Variants in PROCR observed in about 807,000 individuals in gnomAD.
PROCR encodes the protein endothelial protein C receptor.
PROCR carries 22 observed loss-of-function variants against 24.2 expected under a neutral mutation model. That is an observed-to-expected ratio of 0.91 (90% CI 0.65 to 1.30). The LOEUF is 1.30. Ranked by LOEUF, PROCR falls within the 50% of genes most tolerant of loss-of-function variation. The probability of loss-of-function intolerance (pLI) is 0.00; values close to 1 mark genes in which losing one functional copy is unlikely to be tolerated. For missense variants in PROCR, 288 were observed against 307.7 expected (o/e 0.94, Z 0.48); for synonymous variants, 137 against 139.2 (o/e 0.98, Z 0.11).
In PROCR at chr20:35,176,223, A is replaced by AGCCC. The variant is rs750417121; in HGVS notation, c.379_382dup (p.His128ArgfsTer51). 3.1e-6 allele frequency: 5 copies of AGCCC among 1,613,954 alleles called. No homozygotes were observed. The highest frequency in any genetic ancestry group is 8.5e-7 in the Non-Finnish European group (1 of 1,180,034). On this transcript the variant is annotated frameshift_variant, in exon 3 of 4. Coordinates refer to ENST00000216968, the MANE Select transcript of PROCR (RefSeq NM_006404.5). LOFTEE classifies it high-confidence loss of function. ...GTGAGCTGCCTCCCGAGGGCTCTAGAGCCCATGTCTTCTTCGAAGTGGCTG... is the reference window on the plus strand; with the variant it reads ...GTGAGCTGCCTCCCGAGGGCTCTAGAGCCCGCCCATGTCTTCTTCGAAGTGGCTG...
chr20:35,199,749 A>G lies in PROCR; in HGVS notation c.95-16144A>G, dbSNP rs541633928. The stretch of plus-strand genomic sequence containing the variant: ...GGCAACATAGTGAGACTGTGTCTCA[A>G]AAAAAAAAAAAAAACATTTCATAGG... On this transcript the variant is annotated intron_variant, in intron 1 of 1. Coordinates refer to the PROCR transcript ENST00000634509. Among the ~76,000 whole-genome samples, 3 of 148,514 alleles carry G rather than the reference A, an allele frequency of 2.0e-5. No homozygotes were observed. In the East Asian group the frequency reaches 5.9e-4, roughly 29 times the overall value.
At chr20:35,171,100 C>T (rs1047392721), upstream of PROCR, among the ~76,000 whole-genome samples, 2 of 152,000 alleles carry the variant, frequency 1.3e-5, no homozygotes, top group African/African-American at 4.8e-5. Flanking sequence ...AGACGTTCGC[C>T]ATATTGGCCA....
intron 1 of PROCR, among the ~76,000 whole-genome samples, chr20:35,204,937 C>T (rs1307895528): frequency 6.6e-6 from 1 of 152,036 alleles, no homozygotes; most frequent in East Asian, 1.9e-4. Context: ...TAATACTTCA[C>T]TACTATGTGG....
At chr20:35,189,395 C>T (rs1221161011) in intron 1 of PROCR, among the ~76,000 whole-genome samples, 3 of 152,108 alleles carry the variant, frequency 2.0e-5, no homozygotes, top group South Asian at 2.1e-4. Context: ...TCCAGCCTGG[C>T]GAATTCTAGT....
Position 35,176,408 on chromosome 20 carries a change from AG to A in PROCR, c.564del (p.Gln188HisfsTer40). 6.2e-7 allele frequency: 1 copy of A among 1,614,214 alleles called. No homozygotes were observed. Among genetic ancestry groups the A allele is most frequent in the Non-Finnish European group, 8.5e-7 (1 of 1,180,032 alleles). On this transcript the variant is annotated frameshift_variant, in exon 3 of 4. Transcript: ENST00000216968. LOFTEE classifies it high-confidence loss of function. Reference sequence around the variant, plus strand: ...GAATTCCTGGAGGACACCTGTGTGCAGTATGTGCAGAAACATATTTCCGCGG... The same window carrying A: ...GAATTCCTGGAGGACACCTGTGTGCATATGTGCAGAAACATATTTCCGCGG... ...LREFLEDTCV[Q>X]YVQKHISAEN...
At chr20:35,178,517 T>G (rs866073370), downstream of PROCR, among the ~76,000 whole-genome samples, 11 of 49,326 alleles carry the variant, frequency 2.2e-4, no homozygotes, top group Non-Finnish European at 3.3e-4. Flanking sequence ...GTTTTTTTTT[T>G]TTTTTTTTTT....
At chr20:35,173,933 CT>C (rs899474043) in intron 1 of PROCR, among the ~76,000 whole-genome samples, 1 of 152,194 alleles carries the variant, frequency 6.6e-6, no homozygotes, top group Non-Finnish European at 1.5e-5. Flanking sequence ...AGACTCTGGA[CT>C]TGATCCTGTG....
intron 1 of PROCR, among the ~76,000 whole-genome samples, chr20:35,205,328 G>A (rs1433613197): frequency 5.4e-5 from 8 of 149,074 alleles, no homozygotes; most frequent in African/African-American, 1.7e-4. Flanking sequence ...GGCAGACTAA[G>A]GAAGAAAAAA....
chr20:35,180,203 C>T (rs1182798340), downstream of PROCR, among the ~76,000 whole-genome samples: 1 of 152,018 alleles, frequency 6.6e-6, no homozygotes, highest in African/African-American at 2.4e-5. Flanking sequence ...GCTGAGATCT[C>T]GCCACTGCAC....
In PROCR at chr20:35,176,283, G is replaced by A. The variant is rs766151404; in HGVS notation, c.438G>A (p.Glu146=). 2 of 1,614,228 alleles carry A rather than the reference G, an allele frequency of 1.2e-6. No individual in the cohort carries two copies. Among genetic ancestry groups the A allele is most frequent in the East Asian group, 2.2e-5 (1 of 44,888 alleles). Residue 146 remains glutamate, a synonymous_variant, in exon 3 of 4, where the codon GAG becomes GAA. Transcript: ENST00000216968. The part of the protein sequence containing the change: ...NGSSFVSFRP[E]RALWQADTQV... ...GCTCCTTTGTGAGTTTCCGGCCGGA[G>A]AGAGCCTTGTGGCAGGCAGACACCC... is the stretch of plus-strand genomic sequence containing the variant.
chr20:35,188,185 GCTGAGGA>G (rs1308579142), intron 1 of PROCR, among the ~76,000 whole-genome samples: 1 of 152,152 alleles, frequency 6.6e-6, no homozygotes, highest in Non-Finnish European at 1.5e-5. Context: ...GCCAACTGTT[GCTGAGGA>G]CTGTTTTATG....
Position 35,172,192 on chromosome 20 carries a change from G to T in PROCR, c.38G>T (p.Gly13Val), listed in dbSNP as rs761686527. The change falls in exon 1 of 4, where the codon GGC (glycine) becomes GTC (valine). Residue 13 changes from glycine (G) to valine (V), a missense_variant. Gly to Val is a moderately radical substitution (Grantham distance 109). Transcript: ENST00000216968. Reference protein sequence around the residue: ...TTLLPILLLSGWAFCSQDASD... With the variant: ...TTLLPILLLSVWAFCSQDASD... ...TTGCTGCCGATACTGCTGCTGTCTG[G>T]CTGGGCCTTTTGTAGCCAAGACGCC... The T allele has an allele frequency of 7.4e-6, 12 of 1,614,212 alleles. No homozygotes were observed. Among genetic ancestry groups the T allele is most frequent in the Middle Eastern group, 1.6e-4 (1 of 6,062 alleles).
chr20:35,174,560 G>A lies in PROCR; in HGVS notation c.71-142G>A, dbSNP rs542414388. 8 of 1,012,918 alleles carry A rather than the reference G, an allele frequency of 7.9e-6. No individual in the cohort carries two copies. In the East Asian group the frequency reaches 1.7e-4, roughly 21 times the overall value. The allele number at this position is 1,012,918 out of a possible 1,614,324, so 62.7% of individuals were successfully genotyped here. A position where few individuals can be genotyped will look rare whatever the true frequency, so the allele number is the denominator to read the frequency against. On this transcript the variant is annotated intron_variant, in intron 1 of 3. Coordinates refer to ENST00000216968, the MANE Select transcript of PROCR (RefSeq NM_006404.5). Reference sequence around the variant, plus strand: ...GGCAGAGTTACTGTCAGCGTCAAACGGGAGAAGCGGTGGGAGGGCACATTA... The same window carrying A: ...GGCAGAGTTACTGTCAGCGTCAAACAGGAGAAGCGGTGGGAGGGCACATTA...
Position 35,176,610 on chromosome 20 carries a change from T to G in PROCR, c.602-88T>G, listed in dbSNP as rs2086021461. 4 of 1,570,588 alleles carry G rather than the reference T, an allele frequency of 2.5e-6. No homozygotes were observed. In the East Asian group the frequency reaches 9.4e-5, roughly 37 times the overall value. ...TCAGTTGGTAAACGGGTCCCTTTCC[T>G]CTGGGGCAGAAACGCTTTGGGGTTT... On this transcript the variant is annotated intron_variant, in intron 3 of 3. Transcript: ENST00000216968.
chr20:35,194,474 C>A (rs369821408), intron 1 of PROCR, among the ~76,000 whole-genome samples: 1 of 152,058 alleles, frequency 6.6e-6, no homozygotes, highest in African/African-American at 2.4e-5. Context: ...GAGTGATGTC[C>A]TGGAGCAGGT....
chr20:35,210,885 G>A, intron 1 of PROCR, among the ~76,000 whole-genome samples: 1 of 151,880 alleles, frequency 6.6e-6, no homozygotes, highest in Non-Finnish European at 1.5e-5. Context: ...ACTAATTTTT[G>A]TATTTTTAGT....
At chr20:35,195,981 G>A (rs2086212749) in intron 1 of PROCR, among the ~76,000 whole-genome samples, 1 of 151,566 alleles carries the variant, frequency 6.6e-6, no homozygotes, top group Non-Finnish European at 1.5e-5. Flanking sequence ...AGGAGTTCGA[G>A]ACCAGCCTGG....
At chr20:35,189,165 T>C (rs1157205777) in intron 1 of PROCR, among the ~76,000 whole-genome samples, 2 of 152,146 alleles carry the variant, frequency 1.3e-5, no homozygotes, top group Admixed American at 6.5e-5. Flanking sequence ...GACAGAGCCA[T>C]ATTTCTCTTA....
Position 35,176,787 on chromosome 20 carries a change from C to T in PROCR, c.691C>T (p.Leu231=). 6.2e-7 allele frequency: 1 copy of T among 1,614,060 alleles called. No homozygotes were observed. The highest frequency in any genetic ancestry group is 2.2e-5 in the East Asian group (1 of 44,882). The stretch of plus-strand genomic sequence containing the variant: ...TGCTGGTGTGGCTGTAGGCATCTTC[C>T]TGTGCACAGGTGGACGGCGATGTTA... ...IIAGVAVGIF[L]CTGGRRC Residue 231 remains leucine, a synonymous_variant, in exon 4 of 4, where the codon CTG becomes TTG. Coordinates refer to ENST00000216968, the MANE Select transcript of PROCR (RefSeq NM_006404.5).
Sources: gnomAD v4.1 joint callset for allele counts (sites outside exome capture counted in the v4.1 genomes callset) on GRCh38, gnomAD v4.1.1 for gene constraint, MANE v1.5 for transcripts, NCBI Gene and HGNC (gene_info 2026-07-23, HGNC 2026-07-21) for gene names.